Variants in IL1RAPL2 observed in about 807,000 individuals in gnomAD.
IL1RAPL2 encodes the protein interleukin 1 receptor accessory protein like 2, also known as X-linked interleukin-1 receptor accessory protein-like 2.
Under a neutral mutation model 44.1 loss-of-function variants are expected in IL1RAPL2, and 3 were observed. The ratio of observed to expected loss-of-function variants is 0.07; its 90% CI spans 0.03 to 0.18. The LOEUF (loss-of-function observed/expected upper bound fraction) is 0.18, where lower values mean the gene tolerates loss of function less well. Among genes scored for constraint, IL1RAPL2 ranks in the 10% least tolerant of loss-of-function variants. IL1RAPL2 has a pLI of 1.00. For missense variants in IL1RAPL2, 391 were observed against 496.4 expected (o/e 0.79, Z 2.02); for synonymous variants, 181 against 178.8 (o/e 1.01, Z -0.10).
chrX:105,350,865 G>T (rs1006422780), intron 5 of IL1RAPL2, among the ~76,000 whole-genome samples: 2 of 111,843 alleles, frequency 1.8e-5, no homozygotes, highest in Non-Finnish European at 3.8e-5. Context: ...AACATGTTTT[G>T]CAATCTATCC....
chrX:104,743,427 T>C (rs1201750931), intron 2 of IL1RAPL2, among the ~76,000 whole-genome samples: 6 of 109,990 alleles, frequency 5.5e-5, no homozygotes, highest in Non-Finnish European at 1.1e-4. Context: ...CTCCCTGTGA[T>C]TGAAAACCAC....
chrX:104,675,843 C>T, intron 2 of IL1RAPL2, among the ~76,000 whole-genome samples: 1 of 109,219 alleles, frequency 9.2e-6, no homozygotes, highest in East Asian at 2.9e-4. Flanking sequence ...GATCCCTTTA[C>T]CATTATGTAA....
chrX:104,915,458 A>G (rs770453058), intron 2 of IL1RAPL2, among the ~76,000 whole-genome samples: 195 of 111,071 alleles, frequency 1.8e-3, no homozygotes, highest in Non-Finnish European at 3.3e-3. Context: ...TGTAGATTCT[A>G]GATATTAGCC....
chrX:104,637,802 CTGTG>C (rs1214767208), intron 1 of IL1RAPL2, among the ~76,000 whole-genome samples: 74 of 88,589 alleles, frequency 8.4e-4, no homozygotes, highest in South Asian at 5.9e-3. Flanking sequence ...GTGTGTGTGT[CTGTG>C]TGTGTGTGTG....
chrX:104,579,714 T>A (rs956896355), intron 1 of IL1RAPL2, among the ~76,000 whole-genome samples: 1 of 111,320 alleles, frequency 9.0e-6, no homozygotes, highest in African/African-American at 3.3e-5. Flanking sequence ...ATAGTTTACC[T>A]ATATAACAAA....
At chrX:104,976,362 T>C (rs2030334664) in intron 2 of IL1RAPL2, among the ~76,000 whole-genome samples, 2 of 111,878 alleles carry the variant, frequency 1.8e-5, no homozygotes, top group African/African-American at 6.5e-5. Context: ...GATTTCTACT[T>C]GCTATCTAAG....
intron 5 of IL1RAPL2, among the ~76,000 whole-genome samples, chrX:105,393,289 C>T (rs192802987): frequency 9.1e-6 from 1 of 110,213 alleles, no homozygotes; most frequent in South Asian, 4.1e-4. Flanking sequence ...ACAGTTGAGT[C>T]CTGAGTCATG....
intron 2 of IL1RAPL2, among the ~76,000 whole-genome samples, chrX:104,802,611 A>T (rs185353521): frequency 2.0e-4 from 22 of 111,778 alleles, no homozygotes; most frequent in Admixed American, 1.8e-3. Context: ...TGCTTTTTCA[A>T]CTAACACAGC....
intron 5 of IL1RAPL2, among the ~76,000 whole-genome samples, chrX:105,369,269 C>T (rs1602380480): frequency 9.0e-6 from 1 of 111,246 alleles, no homozygotes; most frequent in South Asian, 3.8e-4. Context: ...AAATTCTCCT[C>T]TCTCAGTCTT....
intron 2 of IL1RAPL2, among the ~76,000 whole-genome samples, chrX:105,184,881 ATAAT>A (rs1556133000): frequency 8.9e-6 from 1 of 111,868 alleles, no homozygotes; most frequent in African/African-American, 3.2e-5. Flanking sequence ...GTACAGTAGA[ATAAT>A]TAACAAAATA....
intron 2 of IL1RAPL2, among the ~76,000 whole-genome samples, chrX:104,817,559 G>A (rs1199372315): frequency 8.9e-6 from 1 of 111,979 alleles, no homozygotes; most frequent in East Asian, 2.8e-4. Context: ...AGACACACTA[G>A]AAATGAAACA....
intron 5 of IL1RAPL2, among the ~76,000 whole-genome samples, chrX:105,441,687 A>G (rs923141699): frequency 1.8e-5 from 2 of 111,972 alleles, no homozygotes; most frequent in African/African-American, 6.5e-5. Flanking sequence ...AAATTAAGAC[A>G]TGACAAGTTC....
At chrX:105,550,442 T>A (rs1420312443) in intron 6 of IL1RAPL2, among the ~76,000 whole-genome samples, 1 of 111,969 alleles carries the variant, frequency 8.9e-6, no homozygotes, top group East Asian at 2.8e-4. Flanking sequence ...CCAAGAGTGT[T>A]GAGATAAACT....
intron 6 of IL1RAPL2, among the ~76,000 whole-genome samples, chrX:105,661,308 G>C (rs1478681119): frequency 1.8e-5 from 2 of 112,000 alleles, no homozygotes; most frequent in Non-Finnish European, 3.8e-5. Context: ...CAGAGATACA[G>C]CCTCATGCAA....
At chrX:105,331,814 T>C (rs1292584784) in intron 5 of IL1RAPL2, among the ~76,000 whole-genome samples, 3 of 111,487 alleles carry the variant, frequency 2.7e-5, no homozygotes, top group Non-Finnish European at 3.8e-5. Flanking sequence ...CAAAATGTCA[T>C]TGGACAAAGT....
In IL1RAPL2 at chrX:105,532,280, T is replaced by C. The variant is rs149320612; in HGVS notation, c.772+47893T>C. ...TTTGTTTCTCTCTTCCTGCATTTTATATTTGCACCTCCCTTCACCCAAAGT... is the reference window on the plus strand; with the variant it reads ...TTTGTTTCTCTCTTCCTGCATTTTACATTTGCACCTCCCTTCACCCAAAGT... On this transcript the variant is annotated intron_variant, in intron 6 of 10. Transcript: ENST00000372582. 1.1e-3 allele frequency among the ~76,000 whole-genome samples: 124 copies of C among 111,860 alleles called. 1 individual carries two copies. The highest frequency in any genetic ancestry group is 2.0e-3 in the Admixed American group (21 of 10,534).
intron 6 of IL1RAPL2, among the ~76,000 whole-genome samples, chrX:105,650,485 G>C (rs1387100493): frequency 8.9e-6 from 1 of 111,839 alleles, no homozygotes; most frequent in East Asian, 2.8e-4. Flanking sequence ...AATCAAATTG[G>C]TGGGGCTGGG....
intron 1 of IL1RAPL2, among the ~76,000 whole-genome samples, chrX:104,657,947 C>T (rs1236000139): frequency 1.8e-5 from 2 of 112,001 alleles, no homozygotes; most frequent in Non-Finnish European, 3.8e-5. Flanking sequence ...GAATGGCATT[C>T]ATTAAAAAGT....
At chrX:105,327,612 C>G (rs1213227849) in intron 5 of IL1RAPL2, among the ~76,000 whole-genome samples, 2 of 111,430 alleles carry the variant, frequency 1.8e-5, no homozygotes, top group Non-Finnish European at 3.8e-5. Context: ...GTATAAGATT[C>G]CTTCTAGATA....
Sources: allele counts gnomAD v4.1 joint callset (sites outside exome capture counted in the v4.1 genomes callset), GRCh38; gene constraint gnomAD v4.1.1; transcripts MANE v1.5; gene names NCBI Gene and HGNC (gene_info 2026-07-23, HGNC 2026-07-21).